The following MTUS2 variants were observed in gnomAD, a reference collection of about 807,000 sequenced individuals.
MTUS2 encodes the protein microtubule associated scaffold protein 2.
MTUS2 carries 40 observed loss-of-function variants against 114.1 expected under a neutral mutation model. The ratio of observed to expected loss-of-function variants is 0.35; its 90% CI spans 0.27 to 0.46. MTUS2 has a LOEUF of 0.46. Among genes scored for constraint, MTUS2 ranks in the 20% least tolerant of loss-of-function variants. MTUS2 has a pLI of 1.00. For missense variants in MTUS2, 1,679 were observed against 1,705.4 expected, an observed-to-expected ratio of 0.98 and a Z score of 0.27; for synonymous variants, 688 against 672.0, an observed-to-expected ratio of 1.02 and a Z score of -0.37.
chr13:28,885,002 G>GT (rs561387734), intron 2 of MTUS2, among the ~76,000 whole-genome samples: 234 of 151,790 alleles, frequency 1.5e-3, no homozygotes, highest in African/African-American at 4.4e-3. Context: ...CACCTTTTAA[G>GT]TTTTTTTTAA....
chr13:29,337,658 G>A (rs1321199226), intron 7 of MTUS2, among the ~76,000 whole-genome samples: 2 of 150,482 alleles, frequency 1.3e-5, no homozygotes, highest in Non-Finnish European at 3.0e-5. Flanking sequence ...CTGGAGTGCA[G>A]TGGCACAATT....
At chr13:28,831,385 A>G (rs2137951264) in intron 1 of MTUS2, among the ~76,000 whole-genome samples, 1 of 152,356 alleles carries the variant, frequency 6.6e-6, no homozygotes, top group East Asian at 1.9e-4. Context: ...TGACTCAACT[A>G]TATGCCATTC....
intron 11 of MTUS2, chr13:29,489,533 G>A (rs952455876): frequency 2.0e-5 from 3 of 152,272 alleles, no homozygotes; most frequent in Admixed American, 2.0e-4. Context: ...TCCTGGTAGT[G>A]TGTTTCACAC....
At chr13:29,323,137 G>A (rs1016327264) in intron 6 of MTUS2, among the ~76,000 whole-genome samples, 4 of 152,164 alleles carry the variant, frequency 2.6e-5, no homozygotes, top group South Asian at 2.1e-4. Context: ...TGGTCTGTGT[G>A]TACAAAGAAA....
chr13:29,072,680 A>G (rs1333347562), intron 4 of MTUS2, among the ~76,000 whole-genome samples: 2 of 152,166 alleles, frequency 1.3e-5, no homozygotes, highest in Admixed American at 1.3e-4. Flanking sequence ...TGTTTCTTTT[A>G]ATTTGCTTTT....
intron 9 of MTUS2, among the ~76,000 whole-genome samples, chr13:29,453,765 CA>C (rs11353192): frequency 0.35 from 53,315 of 152,024 alleles, 10,662 homozygotes; most frequent in East Asian, 0.84. Flanking sequence ...TATCTCTAAG[CA>C]GGAGGAGTAG....
At chr13:28,836,647 C>CA in intron 1 of MTUS2, among the ~76,000 whole-genome samples, 1 of 152,224 alleles carries the variant, frequency 6.6e-6, no homozygotes, top group African/African-American at 2.4e-5. Flanking sequence ...GCCTGAGCTC[C>CA]ATCTTGGAAG....
intron 9 of MTUS2, among the ~76,000 whole-genome samples, chr13:29,442,120 C>T (rs927179188): frequency 2.6e-5 from 4 of 152,126 alleles, no homozygotes; most frequent in Non-Finnish European, 2.9e-5. Context: ...GGAATCTGCC[C>T]CTCCCCACCT....
chr13:29,050,616 C>T (rs917625381), intron 4 of MTUS2, among the ~76,000 whole-genome samples: 7 of 152,238 alleles, frequency 4.6e-5, no homozygotes, highest in African/African-American at 1.7e-4. Flanking sequence ...CACCCAGCTT[C>T]ACCACCAGTG....
At chr13:28,950,804 A>G (rs1882772573) in intron 2 of MTUS2, among the ~76,000 whole-genome samples, 1 of 152,232 alleles carries the variant, frequency 6.6e-6, no homozygotes, top group South Asian at 2.1e-4. Context: ...AGTTTGAAAT[A>G]TTGTGAGAAT....
At chr13:28,827,055 G>T (rs1874316822) in intron 1 of MTUS2, among the ~76,000 whole-genome samples, 4 of 152,162 alleles carry the variant, frequency 2.6e-5, no homozygotes, top group Admixed American at 2.6e-4. Flanking sequence ...GTGTTCTCAG[G>T]TTGGAAATGT....
At chr13:29,313,206 A>G (rs1899846104) in intron 6 of MTUS2, among the ~76,000 whole-genome samples, 3 of 152,176 alleles carry the variant, frequency 2.0e-5, no homozygotes, top group African/African-American at 7.2e-5. Flanking sequence ...CTCTCCCTAC[A>G]GGAGGCATGG....
At chr13:28,929,420 T>C (rs2138082760) in intron 2 of MTUS2, among the ~76,000 whole-genome samples, 1 of 152,314 alleles carries the variant, frequency 6.6e-6, no homozygotes, top group South Asian at 2.1e-4. Context: ...CATTATCACA[T>C]GTACCCTGAA....
At chr13:29,491,501 T>C (rs1882079434) in intron 11 of MTUS2, among the ~76,000 whole-genome samples, 1 of 116,696 alleles carries the variant, frequency 8.6e-6, no homozygotes, top group South Asian at 3.0e-4. Context: ...AGTGTGTGTA[T>C]GTGGGGGTGT....
chr13:29,338,051 CA>C (rs1459801052), intron 7 of MTUS2, among the ~76,000 whole-genome samples: 1 of 151,424 alleles, frequency 6.6e-6, no homozygotes, highest in Non-Finnish European at 1.5e-5. Context: ...CTCAGCCTCC[CA>C]AAGTGCTGGG....
intron 5 of MTUS2, among the ~76,000 whole-genome samples, chr13:29,118,702 A>G (rs2096761328): frequency 6.6e-6 from 1 of 152,048 alleles, no homozygotes; most frequent in South Asian, 2.1e-4. Context: ...TGAGCATGGA[A>G]ATTGGCATGG....
At chr13:29,065,206 G>A (rs1888609347) in intron 4 of MTUS2, among the ~76,000 whole-genome samples, 2 of 152,186 alleles carry the variant, frequency 1.3e-5, no homozygotes, top group Non-Finnish European at 2.9e-5. Context: ...TTGCCACACT[G>A]CTTTCCACAG....
At chr13:29,398,281 C>T (rs1446797356) in intron 8 of MTUS2, among the ~76,000 whole-genome samples, 4 of 151,798 alleles carry the variant, frequency 2.6e-5, no homozygotes, top group African/African-American at 9.7e-5. Context: ...GCCAACATGG[C>T]GAAATCTCGT....
intron 3 of MTUS2, among the ~76,000 whole-genome samples, chr13:29,028,477 C>T (rs575604377): frequency 1.2e-4 from 18 of 151,888 alleles, no homozygotes; most frequent in African/African-American, 3.6e-4. Flanking sequence ...ACTGGGGGTC[C>T]GTCAGCTACC....
Sources: gnomAD v4.1 joint callset for allele counts (sites outside exome capture counted in the v4.1 genomes callset) on GRCh38, gnomAD v4.1.1 for gene constraint, MANE v1.5 for transcripts, NCBI Gene and HGNC (gene_info 2026-07-23, HGNC 2026-07-21) for gene names.